Variants in PLA2G4E observed in about 807,000 individuals in gnomAD.
PLA2G4E encodes cytosolic phospholipase A2 epsilon.
PLA2G4E carries 84 observed loss-of-function variants against 109.1 expected under a neutral mutation model. The ratio of observed to expected loss-of-function variants is 0.77; its 90% CI spans 0.65 to 0.92. PLA2G4E has a LOEUF of 0.92. Ranked by LOEUF, PLA2G4E falls within the 40% of genes least tolerant of loss-of-function variation. The probability of loss-of-function intolerance (pLI) is 0.00; values close to 1 mark genes in which losing one functional copy is unlikely to be tolerated. For missense variants in PLA2G4E, 1,057 were observed against 1,076.6 expected (o/e 0.98, Z 0.25); for synonymous variants, 469 against 436.1 (o/e 1.08, Z -0.94).
intron 1 of PLA2G4E, among the ~76,000 whole-genome samples, chr15:42,028,399 A>ATTTC (rs57271507): frequency 0.63 from 93,767 of 147,864 alleles, 29,504 homozygotes; most frequent in East Asian, 0.82. Context: ...TTATTTATTT[A>ATTTC]TTTATTTATT....
intron 2 of PLA2G4E, among the ~76,000 whole-genome samples, chr15:42,011,980 C>T (rs1213757825): frequency 6.6e-6 from 1 of 152,168 alleles, no homozygotes; most frequent in East Asian, 1.9e-4. Flanking sequence ...CCCCAAGAAG[C>T]TTGAGGAAAA....
At chr15:42,010,166 G>C (rs921567347) in intron 2 of PLA2G4E, 1 of 461,638 alleles carries the variant, frequency 2.2e-6, no homozygotes, top group African/African-American at 2.8e-5. Flanking sequence ...ACACCCTTCA[G>C]GTCTGTCTCC....
intron 1 of PLA2G4E, among the ~76,000 whole-genome samples, chr15:42,022,847 A>G (rs2068660076): frequency 6.6e-6 from 1 of 152,196 alleles, no homozygotes; most frequent in African/African-American, 2.4e-5. Context: ...CTGCCACACA[A>G]CTAAGAACTG....
chr15:42,033,766 C>T (rs1041083069), intron 1 of PLA2G4E, among the ~76,000 whole-genome samples: 4 of 152,312 alleles, frequency 2.6e-5, no homozygotes, highest in South Asian at 4.1e-4. Context: ...TCCCTGCTGC[C>T]GCCCCGCAGC....
At chr15:41,990,134 G>A in exon 14 of PLA2G4E, 1 of 1,613,154 alleles carries the variant, frequency 6.2e-7, no homozygotes, top group Non-Finnish European at 8.5e-7. Context: ...TGAAGTCCTG[G>A]TTGCTTACAT....
At chr15:41,989,415 C>T (rs762065943) in exon 15 of PLA2G4E, 12 of 1,613,960 alleles carry the variant, frequency 7.4e-6, no homozygotes, top group East Asian at 2.2e-5. Flanking sequence ...AGGCAGTCAC[C>T]TAGCATGTAG....
chr15:41,988,572 T>C (rs1183618722), intron 15 of PLA2G4E, among the ~76,000 whole-genome samples: 3 of 152,194 alleles, frequency 2.0e-5, no homozygotes, highest in Non-Finnish European at 4.4e-5. Context: ...CATTAGACAT[T>C]GACCCATTTG....
intron 1 of PLA2G4E, among the ~76,000 whole-genome samples, chr15:42,034,960 C>T (rs1889182717): frequency 6.6e-6 from 1 of 152,220 alleles, no homozygotes; most frequent in South Asian, 2.1e-4. Context: ...CACACAGACT[C>T]CTGATGTGCC....
Position 42,004,986 on chromosome 15 carries a change from G to A in PLA2G4E, c.526-8C>T. 1.9e-6 allele frequency: 3 copies of A among 1,612,684 alleles called. No individual in the cohort carries two copies. The highest frequency in any genetic ancestry group is 1.7e-6 in the Non-Finnish European group (2 of 1,179,592). ...CTCCAGCTCTTCCATGCCCTGGTAG[G>A]GGAGGGAGGGAAGGCAGCTGTGAGT... On this transcript the variant is annotated splice_polypyrimidine_tract_variant and splice_region_variant and intron_variant, in intron 4 of 19. Transcript: ENST00000399518.
At position 41,990,658 on chromosome 15, in the gene PLA2G4E, A is replaced by G. The variant is rs138840222; in HGVS notation, c.1471-423T>C. On this transcript the variant is annotated intron_variant, in intron 13 of 19. Transcript: ENST00000399518. ...CAGCTTGGCATGTTGAGCTCCCTCA[A>G]CTGAGGGGTAAAAAGTTGGGGGAAA... is the stretch of plus-strand genomic sequence containing the variant. 6.9e-3 allele frequency among the ~76,000 whole-genome samples: 1,051 copies of G among 151,814 alleles called. 12 individuals are homozygous for G. Among genetic ancestry groups the G allele is most frequent in the African/African-American group, 0.024 (993 of 41,332 alleles).
rs944782598 is a variant in PLA2G4E at position 41,991,292 on chromosome 15, C to G, written c.1471-1057G>C. Among the ~76,000 whole-genome samples the G allele has an allele frequency of 8.5e-5, 13 of 152,340 alleles. 2 individuals are homozygous for G. Among genetic ancestry groups the G allele is most frequent in the Admixed American group, 8.5e-4 (13 of 15,302 alleles). On this transcript the variant is annotated intron_variant, in intron 13 of 19. Coordinates refer to ENST00000399518, the Ensembl canonical transcript of PLA2G4E. ...CCCAGAATGCTGAGACTCCTGATGT[C>G]GGAAGACTCGGTGCTTCCTCCTCAT... is the stretch of plus-strand genomic sequence containing the variant.
At chr15:41,996,992 G>T in intron 11 of PLA2G4E, 132 bp downstream of exon 11, 3 of 1,178,930 alleles carry the variant, frequency 2.5e-6, no homozygotes, top group Non-Finnish European at 3.4e-6. Context: ...TCTCACCAGG[G>T]CGCCTGTACC....
chr15:42,002,264 C>CAAAAAAAAAAAAAA (rs71108143), intron 6 of PLA2G4E, among the ~76,000 whole-genome samples: 7 of 73,232 alleles, frequency 9.6e-5, no homozygotes, highest in African/African-American at 3.7e-4. Context: ...GACCTTGTCT[C>CAAAAAAAAAAAAAA]AAAAAAAAAA....
Position 42,049,788 on chromosome 15 carries a change from C to T in PLA2G4E, c.183+733G>A, listed in dbSNP as rs117207936. Among the ~76,000 whole-genome samples the T allele has an allele frequency of 3.9e-5, 6 of 152,312 alleles. No individual in the cohort carries two copies. The East Asian group carries it at 1.2e-3, about 29-fold the overall frequency. On this transcript the variant is annotated intron_variant, in intron 1 of 19. Coordinates refer to ENST00000399518, the Ensembl canonical transcript of PLA2G4E. ...TCTGGTGCCACCGCTAAGACCATAG[C>T]AGCCAGAGGGGCAGAGGAATGCTGT...
intron 1 of PLA2G4E, 83 bp from the exon 2 acceptor site, chr15:42,013,840 T>G: frequency 9.6e-7 from 1 of 1,040,148 alleles, no homozygotes; most frequent in Non-Finnish European, 1.4e-6. Flanking sequence ...CCGCTATGCC[T>G]CCTCAGGCCG....
intron 2 of PLA2G4E, among the ~76,000 whole-genome samples, chr15:42,012,351 C>T (rs1340644964): frequency 1.3e-5 from 2 of 152,174 alleles, no homozygotes; most frequent in African/African-American, 4.8e-5. Flanking sequence ...TTCTCCATAC[C>T]TGGCTTGTCT....
At chr15:41,995,494 C>A in exon 12 of PLA2G4E, 2 of 1,613,608 alleles carry the variant, frequency 1.2e-6, no homozygotes, top group Non-Finnish European at 1.7e-6. Flanking sequence ...CTATCAGCGG[C>A]ACCTGGGGTT....
chr15:42,029,812 G>A lies in PLA2G4E; in HGVS notation c.184-16055C>T, dbSNP rs530566843. ...AAAGGACTTAGCACATGACGGGCAC[G>A]TGGCTGATTCACTATAAGTGATCCA... is the stretch of plus-strand genomic sequence containing the variant. On this transcript the variant is annotated intron_variant, in intron 1 of 19. Transcript: ENST00000399518. Among the ~76,000 whole-genome samples the A allele has an allele frequency of 4.6e-5, 7 of 152,324 alleles. No homozygotes were observed. The South Asian group carries it at 1.5e-3, about 32-fold the overall frequency.
At chr15:42,000,620 G>A (rs143296093) in intron 7 of PLA2G4E, among the ~76,000 whole-genome samples, 3 of 152,182 alleles carry the variant, frequency 2.0e-5, no homozygotes, top group Non-Finnish European at 4.4e-5. Flanking sequence ...GCACACTGTC[G>A]CTTTTGATGT....
Sources: gnomAD v4.1 joint callset for allele counts (sites outside exome capture counted in the v4.1 genomes callset) on GRCh38, gnomAD v4.1.1 for gene constraint, MANE v1.5 for transcripts, NCBI Gene and HGNC (gene_info 2026-07-23, HGNC 2026-07-21) for gene names.